Variants in SCGB2A2 observed in about 807,000 individuals in gnomAD.
SCGB2A2 encodes secretoglobin family 2A member 2.
Under a neutral mutation model 8.8 loss-of-function variants are expected in SCGB2A2, and 11 were observed. The observed-to-expected ratio is 1.25, with a 90% CI of 0.79 to 2.07. The LOEUF (loss-of-function observed/expected upper bound fraction) is 2.07. Ranked by LOEUF, SCGB2A2 falls within the 30% of genes most tolerant of loss-of-function variation. The pLI is 0.00. For synonymous variants in SCGB2A2, 42 were observed against 40.9 expected (o/e 1.03, Z -0.10); for missense variants, 113 against 109.9 (o/e 1.03, Z -0.13).
At chr11:62,271,257 C>T (rs972988896) in intron 2 of SCGB2A2, 189 bp downstream of exon 2, 16 of 1,478,458 alleles carry the variant, frequency 1.1e-5, no homozygotes, top group Non-Finnish European at 1.4e-5. Context: ...TGTTGTCACT[C>T]TACCCAGAGA....
intron 1 of SCGB2A2, 79 bp downstream of exon 1, chr11:62,270,350 A>C: frequency 7.7e-7 from 1 of 1,298,998 alleles, no homozygotes. Flanking sequence ...CTGCTCCCCA[A>C]TTCTCAGCAG....
chr11:62,272,081 C>T, intron 2 of SCGB2A2: 1 of 521,398 alleles, frequency 1.9e-6, no homozygotes, highest in Non-Finnish European at 2.3e-6. Context: ...ATATACCAAA[C>T]CCCTCCATTA....
chr11:62,271,653 AAAC>A (rs1416768032), intron 2 of SCGB2A2: 24 of 994,314 alleles, frequency 2.4e-5, no homozygotes, highest in Non-Finnish European at 2.9e-5. Flanking sequence ...TCTACAGAAA[AAAC>A]AATTTTCCAG....
chr11:62,271,117 C>A, intron 2 of SCGB2A2, 49 bp downstream of exon 2: 1 of 1,612,508 alleles, frequency 6.2e-7, no homozygotes, highest in Non-Finnish European at 8.5e-7. Flanking sequence ...TGACCAGGGA[C>A]AAGTGGGCTC....
intron 2 of SCGB2A2, chr11:62,271,309 G>A: frequency 6.9e-7 from 1 of 1,443,304 alleles, no homozygotes; most frequent in South Asian, 1.5e-5. Flanking sequence ...GAGAGGAAAA[G>A]GAAAGGTCGG....
At chr11:62,271,417 A>G in intron 2 of SCGB2A2, 1 of 1,405,188 alleles carries the variant, frequency 7.1e-7, no homozygotes, top group Non-Finnish European at 9.2e-7. Context: ...ATCCAGACAC[A>G]TGCAAACACA....
At chr11:62,271,556 AAC>A in intron 2 of SCGB2A2, 3 of 1,095,076 alleles carry the variant, frequency 2.7e-6, no homozygotes, top group South Asian at 3.4e-5. Flanking sequence ...CACAAACACA[AAC>A]ACACAGACAG....
At chr11:62,272,102 G>A in intron 2 of SCGB2A2, 4 of 498,632 alleles carry the variant, frequency 8.0e-6, no homozygotes, top group Non-Finnish European at 1.0e-5. Flanking sequence ...GGATGAAAGT[G>A]AACATCACCT....
chr11:62,270,557 G>A (rs569426812), intron 1 of SCGB2A2, among the ~76,000 whole-genome samples: 20 of 152,278 alleles, frequency 1.3e-4, no homozygotes, highest in South Asian at 6.2e-4. Flanking sequence ...GTGAAGCATC[G>A]TATGATTTTG....
Position 62,270,988 on chromosome 11 carries a change from A to G in SCGB2A2, c.163A>G (p.Thr55Ala), listed in dbSNP as rs2134501689. The change falls in exon 2 of 3, where the codon ACT becomes GCT. Residue 55 changes from threonine (T) to alanine (A), a missense_variant. Transcript: ENST00000227918. ...TCAAGAGTTCATAGACGACAATGCC[A>G]CTACAAATGCCATAGATGAATTGAA... ...LLQEFIDDNA[T>A]TNAIDELKEC... 1.2e-6 allele frequency: 2 copies of G among 1,614,150 alleles called. No individual in the cohort carries two copies. The highest frequency in any genetic ancestry group is 4.5e-5 in the East Asian group (2 of 44,888).
At position 62,272,257 on chromosome 11, in the gene SCGB2A2, A is replaced by T. The variant is rs930046178; in HGVS notation, c.244-700A>T. The stretch of plus-strand genomic sequence containing the variant: ...GGGGAGCCAGACTCAGAGACAGTGA[A>T]AAAAAAAAAAACAGTGGTTGTCAGG... On this transcript the variant is annotated intron_variant, in intron 2 of 2. Transcript: ENST00000227918. Among the ~76,000 whole-genome samples, 6 of 31,090 alleles carry T rather than the reference A, an allele frequency of 1.9e-4. No homozygotes were observed. In the Admixed American group the frequency reaches 2.3e-3, roughly 12 times the overall value. 20.4% of individuals were successfully genotyped at this position (31,090 alleles called of 152,430 possible). A position where few individuals can be genotyped will look rare whatever the true frequency, so the allele number is the denominator to read the frequency against.
chr11:62,273,058 C>A lies in SCGB2A2; in HGVS notation c.*63C>A. On this transcript the variant is annotated 3_prime_UTR_variant, in exon 3 of 3. Coordinates refer to ENST00000227918, the MANE Select transcript of SCGB2A2 (RefSeq NM_002411.4). ...ATGGTGAGAAACCAACTACGGATTG[C>A]TGCAAACCACACCTTCTCTTTCTTA... 8.7e-7 allele frequency: 1 copy of A among 1,149,670 alleles called. No homozygotes were observed. Among genetic ancestry groups the A allele is most frequent in the Non-Finnish European group, 1.3e-6 (1 of 784,572 alleles). 71.2% of individuals were successfully genotyped at this position (1,149,670 alleles called of 1,614,324 possible).
intron 1 of SCGB2A2, 124 bp from the exon 2 acceptor site, chr11:62,270,757 T>C: frequency 1.4e-6 from 1 of 729,308 alleles, no homozygotes; most frequent in Non-Finnish European, 2.2e-6. Flanking sequence ...GAACTCTAGA[T>C]TCTGCATCAT....
intron 1 of SCGB2A2, 136 bp from the exon 2 acceptor site, chr11:62,270,745 G>C (rs1214533023): frequency 1.5e-6 from 1 of 685,698 alleles, no homozygotes; most frequent in South Asian, 2.2e-5. Flanking sequence ...TCCCAGATTT[G>C]AGAACTCTAG....
At chr11:62,272,258 A>G (rs1394774443) in intron 2 of SCGB2A2, among the ~76,000 whole-genome samples, 1 of 150,016 alleles carries the variant, frequency 6.7e-6, no homozygotes, top group Admixed American at 6.6e-5. Flanking sequence ...AGACAGTGAA[A>G]AAAAAAAAAA....
intron 2 of SCGB2A2, chr11:62,271,897 A>G (rs1056355834): frequency 2.0e-6 from 2 of 984,368 alleles, no homozygotes; most frequent in Non-Finnish European, 2.4e-6. Context: ...ACTGTAGATC[A>G]TGGGTATGAA....
rs182764205 is a variant in SCGB2A2 at position 62,271,376 on chromosome 11, A to G, written c.243+308A>G. The G allele has an allele frequency of 1.7e-5, 24 of 1,433,848 alleles. No homozygotes were observed. In the Admixed American group the frequency reaches 6.3e-4, roughly 38 times the overall value. 88.8% of individuals were successfully genotyped at this position (1,433,848 alleles called of 1,614,324 possible). A position where few individuals can be genotyped will look rare whatever the true frequency, so the allele number is the denominator to read the frequency against. ...ATTCATGCTCACAAACACAGACACA[A>G]TCACACAAACACAGAAACACACATA... On this transcript the variant is annotated intron_variant, in intron 2 of 2. Coordinates refer to ENST00000227918, the MANE Select transcript of SCGB2A2 (RefSeq NM_002411.4).
At chr11:62,270,851 C>G (rs1945271450) in intron 1 of SCGB2A2, 30 bp from the exon 2 acceptor site, 2 of 1,596,540 alleles carry the variant, frequency 1.3e-6, no homozygotes, top group South Asian at 2.2e-5. Context: ...CCTTCTGTAC[C>G]AAGCTTGTTT....
chr11:62,270,185 C>A lies in SCGB2A2; in HGVS notation c.-32C>A, dbSNP rs540661405. 6.2e-7 allele frequency: 1 copy of A among 1,612,056 alleles called. No homozygotes were observed. The highest frequency in any genetic ancestry group is 1.1e-5 in the South Asian group (1 of 91,036). ...AGCGGCTTCCTTGATCCTTGCCACC[C>A]GCGACTGAACACCGACAGCAGCAGC... On this transcript the variant is annotated 5_prime_UTR_variant, in exon 1 of 3. Coordinates refer to ENST00000227918, the MANE Select transcript of SCGB2A2 (RefSeq NM_002411.4).
Sources: gnomAD v4.1 joint callset for allele counts (sites outside exome capture counted in the v4.1 genomes callset) on GRCh38, gnomAD v4.1.1 for gene constraint, MANE v1.5 for transcripts, NCBI Gene and HGNC (gene_info 2026-07-23, HGNC 2026-07-21) for gene names.